The following FAM186A variants were observed in gnomAD, a reference collection of about 807,000 sequenced individuals.
The protein encoded by FAM186A is family with sequence similarity 186 member A.
FAM186A carries 163 observed loss-of-function variants against 216.8 expected under a neutral mutation model. The ratio of observed to expected loss-of-function variants is 0.75; its 90% CI spans 0.66 to 0.86. The LOEUF (loss-of-function observed/expected upper bound fraction) is 0.86. FAM186A is among the 40% of genes least tolerant of loss of function. FAM186A has a pLI of 0.00. For missense variants in FAM186A, 2,184 were observed against 2,746.2 expected (o/e 0.80, Z 4.58); for synonymous variants, 805 against 1,025.3 (o/e 0.79, Z 4.10).
intron 1 of FAM186A, among the ~76,000 whole-genome samples, chr12:50,364,208 A>G (rs921939632): frequency 4.1e-5 from 6 of 147,354 alleles, no homozygotes; most frequent in African/African-American, 1.6e-4. Flanking sequence ...TTCATGTAGG[A>G]AAAAAAAAAT....
In FAM186A at chr12:50,351,793, G is replaced by A. The variant is rs544947223; in HGVS notation, c.5039C>T (p.Ala1680Val). ...ALESPMNLEQAQEQLLKLGVP... is the reference protein window; with the variant it reads ...ALESPMNLEQVQEQLLKLGVP... ...CCCTAACTTCAATAACTGTTCTTGA[G>A]CCTGTTCTAAGTTCATAGGGGACTC... Residue 1680 changes from alanine to valine, a missense_variant, in exon 4 of 8, where the codon GCT becomes GTT. Around this residue, in one of 7 missense-constraint regions of FAM186A, gnomAD observed 721 missense variants for 816.4 expected, o/e 0.88. Transcript: ENST00000327337. 123 of 1,550,020 alleles carry A rather than the reference G, an allele frequency of 7.9e-5. No homozygotes were observed. The South Asian group carries it at 1.3e-3, about 17-fold the overall frequency.
intron 4 of FAM186A, among the ~76,000 whole-genome samples, chr12:50,348,678 C>G (rs925451557): frequency 6.6e-6 from 1 of 151,988 alleles, no homozygotes; most frequent in Non-Finnish European, 1.5e-5. Context: ...TCCTGCCCAG[C>G]CTCCCAAGTA....
At chr12:50,375,787 G>C (rs1330550529) in intron 1 of FAM186A, among the ~76,000 whole-genome samples, 2 of 152,060 alleles carry the variant, frequency 1.3e-5, no homozygotes, top group East Asian at 3.9e-4. Context: ...GATCCTATGG[G>C]TGTCACTTTG....
At chr12:50,385,834 G>T (rs1943298148) in intron 1 of FAM186A, among the ~76,000 whole-genome samples, 1 of 151,630 alleles carries the variant, frequency 6.6e-6, no homozygotes, top group Non-Finnish European at 1.5e-5. Context: ...CCCAGGAGGT[G>T]GAGCTTGCAG....
At chr12:50,383,248 C>A (rs150680584) in intron 1 of FAM186A, among the ~76,000 whole-genome samples, 1 of 5,182 alleles carries the variant, frequency 1.9e-4, no homozygotes, top group Non-Finnish European at 2.6e-3. Context: ...AAGACTCCGT[C>A]TAAAAAAAAA....
intron 1 of FAM186A, among the ~76,000 whole-genome samples, chr12:50,393,168 C>T (rs923310847): frequency 2.0e-5 from 3 of 151,926 alleles, no homozygotes; most frequent in Admixed American, 6.6e-5. Flanking sequence ...CCTCGTGATC[C>T]GCCCGCCTCG....
intron 4 of FAM186A, among the ~76,000 whole-genome samples, chr12:50,346,518 C>A (rs1341282334): frequency 6.6e-6 from 1 of 152,146 alleles, no homozygotes; most frequent in African/African-American, 2.4e-5. Flanking sequence ...TGAGCCACCG[C>A]ACCCAGCCCT....
intron 1 of FAM186A, among the ~76,000 whole-genome samples, chr12:50,395,243 C>T (rs1450092582): frequency 6.6e-6 from 1 of 151,984 alleles, no homozygotes; most frequent in Non-Finnish European, 1.5e-5. Flanking sequence ...TTTGAGCTAA[C>T]ATGCCTGGCT....
chr12:50,381,207 CCTT>C (rs1473275285), intron 1 of FAM186A, among the ~76,000 whole-genome samples: 1 of 152,214 alleles, frequency 6.6e-6, no homozygotes, highest in Admixed American at 6.6e-5. Flanking sequence ...TCTCTACTCT[CCTT>C]CTTGTCACCT....
Position 50,350,856 on chromosome 12 carries a change from C to T in FAM186A, c.5976G>A (p.Glu1992=). ...GGGTTTCTTCGGAAGTGTCAGAGAC[C>T]TCCGACATTTGGAACTTCTTAGTGG... ...PFTTKKFQMS[E]VSDTSEETQI... Residue 1992 remains glutamate, a synonymous_variant, in exon 4 of 8, where the codon GAG becomes GAA. Transcript: ENST00000327337. 2.6e-6 allele frequency: 4 copies of T among 1,551,674 alleles called. No individual in the cohort carries two copies. Among genetic ancestry groups the T allele is most frequent in the Non-Finnish European group, 3.5e-6 (4 of 1,146,998 alleles).
At chr12:50,372,835 A>T (rs1316376791) in intron 1 of FAM186A, among the ~76,000 whole-genome samples, 1 of 148,416 alleles carries the variant, frequency 6.7e-6, no homozygotes, top group Non-Finnish European at 1.5e-5. Flanking sequence ...CCGGAGGCAG[A>T]GGTTACTGTG....
At chr12:50,384,013 GA>G (rs1298299366) in intron 1 of FAM186A, among the ~76,000 whole-genome samples, 1 of 152,074 alleles carries the variant, frequency 6.6e-6, no homozygotes, top group Non-Finnish European at 1.5e-5. Flanking sequence ...AGCTACTCAC[GA>G]GGCTGAGGCA....
rs1191411498 is a variant in FAM186A at position 50,356,117 on chromosome 12, C to G, written c.715G>C (p.Gly239Arg). 6 of 1,551,530 alleles carry G rather than the reference C, an allele frequency of 3.9e-6. No individual in the cohort carries two copies. The highest frequency in any genetic ancestry group is 8.7e-7 in the Non-Finnish European group (1 of 1,146,962). Residue 239 changes from glycine (G) to arginine (R), a missense_variant, in exon 4 of 8, where the codon GGT becomes CGT. Physicochemically the swap from Gly to Arg is moderately radical, Grantham distance 125. Transcript: ENST00000327337. The stretch of plus-strand genomic sequence containing the variant: ...GTGCCTATGAGTTCCTGTAGCATAC[C>G]TTGGATTTCTGAAACCTTTGTATTT... ...ATNTKVSEIQ[G>R]MLQELIGTTM... is the part of the protein sequence containing the mutation.
chr12:50,354,578 G>A lies in FAM186A; in HGVS notation c.2254C>T (p.Gln752Ter), dbSNP rs1449526061. The change falls in exon 4 of 8, where the codon CAA becomes TAA. Residue 752 changes from glutamine to a stop codon, truncating the protein, a stop_gained. Coordinates refer to ENST00000327337, the MANE Select transcript of FAM186A (RefSeq NM_001145475.3). LOFTEE classifies it high-confidence loss of function. ...EEQVGEKPIK[Q>*]KKVVSFMPGL... ...GGCATAAATGAGACTACCTTTTTTTGTTTTATAGGTTTCTCTCCAACTTGT... is the reference window on the plus strand; with the variant it reads ...GGCATAAATGAGACTACCTTTTTTTATTTTATAGGTTTCTCTCCAACTTGT... 6.5e-7 allele frequency: 1 copy of A among 1,549,578 alleles called. No individual in the cohort carries two copies. Among genetic ancestry groups the A allele is most frequent in the Admixed American group, 2.0e-5 (1 of 50,614 alleles).
At position 50,354,196 on chromosome 12, in the gene FAM186A, C is replaced by G; in HGVS notation, c.2636G>C (p.Ser879Thr). ...QMKEGKQEQQSQKQWQEEEMW... is the reference protein window; with the variant it reads ...QMKEGKQEQQTQKQWQEEEMW... ...CTCTTCTTCCTGCCACTGTTTCTGG[C>G]TCTGTTGTTCTTGCTTTCCCTCCTT... is the stretch of plus-strand genomic sequence containing the variant. Residue 879 changes from serine (S) to threonine (T), a missense_variant, in exon 4 of 8, where the codon AGC becomes ACC. By Grantham distance (58) the Ser-to-Thr change is moderately conservative. Transcript: ENST00000327337. 6.4e-7 allele frequency: 1 copy of G among 1,551,678 alleles called. No homozygotes were observed.
intron 1 of FAM186A, chr12:50,365,693 T>G: frequency 1.4e-6 from 1 of 735,876 alleles, no homozygotes; most frequent in South Asian, 1.4e-5. Flanking sequence ...GAAGCAAGAA[T>G]CACAAAAGGC....
intron 3 of FAM186A, among the ~76,000 whole-genome samples, chr12:50,358,822 C>T (rs1230461236): frequency 2.0e-5 from 3 of 150,756 alleles, no homozygotes. Context: ...ACTCGGGAGG[C>T]TGAGGCAGGA....
At chr12:50,359,411 A>G (rs1241045981) in intron 3 of FAM186A, among the ~76,000 whole-genome samples, 1 of 152,224 alleles carries the variant, frequency 6.6e-6, no homozygotes, top group African/African-American at 2.4e-5. Context: ...AAAAAAAGAC[A>G]GACAATAACA....
At position 50,354,179 on chromosome 12, in the gene FAM186A, C is replaced by T. The variant is rs575078108; in HGVS notation, c.2653G>A (p.Glu885Lys). The change falls in exon 4 of 8, where the codon GAA (glutamate) becomes AAA (lysine). Residue 885 changes from glutamate (E) to lysine (K), a missense_variant. Around this residue, in one of 7 missense-constraint regions of FAM186A, gnomAD observed 1,132 missense variants for 1,263.4 expected, o/e 0.90. Transcript: ENST00000327337. ...TGCTCTTCCTTCCACATCTCTTCTT[C>T]CTGCCACTGTTTCTGGCTCTGTTGT... ...QEQQSQKQWQEEEMWKEEQKQ... is the reference protein window; with the variant it reads ...QEQQSQKQWQKEEMWKEEQKQ... 2.6e-6 allele frequency: 4 copies of T among 1,551,730 alleles called. No individual in the cohort carries two copies. In the East Asian group the frequency reaches 9.8e-5, roughly 38 times the overall value.
Sources: gnomAD v4.1 joint callset for allele counts (sites outside exome capture counted in the v4.1 genomes callset) on GRCh38, gnomAD v4.1.1 for gene constraint, gnomAD v4.1.1 regional missense constraint, MANE v1.5 for transcripts, NCBI Gene and HGNC (gene_info 2026-07-23, HGNC 2026-07-21) for gene names.